Variants in RSF1 observed in about 807,000 individuals in gnomAD.
RSF1 encodes the protein HBV pX-associated protein 8.
In RSF1, 13 loss-of-function variants were observed where a neutral mutation model predicts 145.2. That is an observed-to-expected ratio of 0.09 (90% CI 0.06 to 0.14). The LOEUF is 0.14. Ranked by LOEUF, RSF1 falls within the 10% of genes least tolerant of loss-of-function variation. The probability of loss-of-function intolerance (pLI) is 1.00; values close to 1 mark genes in which losing one functional copy is unlikely to be tolerated. For missense variants in RSF1, 1,517 were observed against 1,718.2 expected, an observed-to-expected ratio of 0.88 and a Z score of 2.07; for synonymous variants, 577 against 592.6, an observed-to-expected ratio of 0.97 and a Z score of 0.38.
the RSF1 span, among the ~76,000 whole-genome samples, chr11:77,865,848 T>C: frequency 6.6e-6 from 1 of 152,218 alleles, no homozygotes; most frequent in Non-Finnish European, 1.5e-5. Context: ...TTCTAAAACA[T>C]TATTCTGAGA....
intron 2 of RSF1, among the ~76,000 whole-genome samples, chr11:77,754,051 TCTTCC>T (rs1299272408): frequency 6.6e-6 from 1 of 152,200 alleles, no homozygotes; most frequent in African/African-American, 2.4e-5. Flanking sequence ...ATGACTCTGG[TCTTCC>T]CTTTAGATGA....
chr11:77,752,209 A>G (rs1416772935), intron 2 of RSF1, among the ~76,000 whole-genome samples: 1 of 152,226 alleles, frequency 6.6e-6, no homozygotes, highest in African/African-American at 2.4e-5. Context: ...GCAAACATAA[A>G]TATGGAAGCT....
the RSF1 span, among the ~76,000 whole-genome samples, chr11:77,837,400 T>C: frequency 1.3e-5 from 2 of 151,060 alleles, no homozygotes; most frequent in East Asian, 3.9e-4. Flanking sequence ...CCTCCCAAAA[T>C]GCTGGCATCA....
At chr11:77,799,626 C>T (rs2135976060) in intron 1 of RSF1, among the ~76,000 whole-genome samples, 1 of 152,188 alleles carries the variant, frequency 6.6e-6, no homozygotes, top group East Asian at 1.9e-4. Context: ...ATTTCACCAC[C>T]CCAATCTCGG....
chr11:77,809,995 A>T (rs1013426769), intron 1 of RSF1, among the ~76,000 whole-genome samples: 2 of 152,236 alleles, frequency 1.3e-5, no homozygotes, highest in Non-Finnish European at 2.9e-5. Flanking sequence ...ACACATGCCT[A>T]AGCTTCATAA....
intron 1 of RSF1, among the ~76,000 whole-genome samples, chr11:77,798,581 T>TAAAA: frequency 4.1e-4 from 10 of 24,496 alleles, no homozygotes; most frequent in East Asian, 1.4e-3. Context: ...GACTCCATCT[T>TAAAA]AAAAAAAAAA....
upstream of RSF1, chr11:77,820,747 G>A: frequency 1.3e-6 from 2 of 1,530,360 alleles, no homozygotes; most frequent in Non-Finnish European, 1.8e-6. Context: ...GAGGCGATGG[G>A]GGGGCGGGGG....
At chr11:77,800,098 T>C (rs373357620) in intron 1 of RSF1, among the ~76,000 whole-genome samples, 74 of 152,226 alleles carry the variant, frequency 4.9e-4, no homozygotes, top group African/African-American at 1.6e-3. Flanking sequence ...TGCCCTACGA[T>C]TGCTCCCGTG....
chr11:77,759,907 G>A (rs543348779), intron 2 of RSF1, among the ~76,000 whole-genome samples: 1 of 146,752 alleles, frequency 6.8e-6, no homozygotes, highest in South Asian at 2.2e-4. Context: ...GCTGTCAAAT[G>A]TTATCTATTA....
At chr11:77,804,346 G>A (rs1053645987) in intron 1 of RSF1, among the ~76,000 whole-genome samples, 1 of 152,144 alleles carries the variant, frequency 6.6e-6, no homozygotes, top group Non-Finnish European at 1.5e-5. Context: ...GAAATCCTCA[G>A]ATTTGTAGCC....
chr11:77,797,650 A>G (rs1948585883), intron 1 of RSF1, among the ~76,000 whole-genome samples: 1 of 152,238 alleles, frequency 6.6e-6, no homozygotes, highest in South Asian at 2.1e-4. Flanking sequence ...ACAAAAGCCA[A>G]AATTGACAAA....
At chr11:77,683,898 T>C in intron 10 of RSF1, 79 bp from the exon 11 acceptor site, 1 of 1,025,894 alleles carries the variant, frequency 9.7e-7, no homozygotes, top group Non-Finnish European at 1.4e-6. Context: ...TTTTGTAATC[T>C]CCATTTAGGT....
At chr11:77,859,752 C>T in the RSF1 span, among the ~76,000 whole-genome samples, 1 of 152,212 alleles carries the variant, frequency 6.6e-6, no homozygotes, top group African/African-American at 2.4e-5. Flanking sequence ...TAGGTTTGAG[C>T]AATTACTTGT....
chr11:77,693,433 T>C, intron 8 of RSF1, 74 bp downstream of exon 8: 1 of 886,840 alleles, frequency 1.1e-6, no homozygotes, highest in South Asian at 1.4e-5. Flanking sequence ...AAAATATTCA[T>C]TCAGTAGCTA....
intron 1 of RSF1, 120 bp downstream of exon 1, chr11:77,820,408 C>A: frequency 9.2e-7 from 1 of 1,089,386 alleles, no homozygotes; most frequent in Non-Finnish European, 1.3e-6. Flanking sequence ...GGAGTTGCGT[C>A]CCAGGGGGAA....
At chr11:77,742,993 T>C (rs1590862513) in intron 3 of RSF1, among the ~76,000 whole-genome samples, 1 of 152,326 alleles carries the variant, frequency 6.6e-6, no homozygotes, top group East Asian at 1.9e-4. Flanking sequence ...ATTTATTGAA[T>C]AGACTGTCCT....
the RSF1 span, among the ~76,000 whole-genome samples, chr11:77,857,757 C>T: frequency 5.1e-3 from 751 of 146,256 alleles, 9 homozygotes; most frequent in African/African-American, 0.018. Context: ...AGGGCATTGG[C>T]GTAATCTTGG....
chr11:77,838,244 C>A, the RSF1 span, among the ~76,000 whole-genome samples: 1 of 140,934 alleles, frequency 7.1e-6, no homozygotes, highest in Non-Finnish European at 1.6e-5. Context: ...TATGTGTCAA[C>A]GTGGTAAGGT....
At chr11:77,802,377 C>T (rs1948634448) in intron 1 of RSF1, among the ~76,000 whole-genome samples, 1 of 152,056 alleles carries the variant, frequency 6.6e-6, no homozygotes, top group Non-Finnish European at 1.5e-5. Flanking sequence ...ACTGTGGTAA[C>T]TCTAGGTAGT....
Sources: allele counts gnomAD v4.1 joint callset (sites outside exome capture counted in the v4.1 genomes callset), GRCh38; gene constraint gnomAD v4.1.1; transcripts MANE v1.5; gene names NCBI Gene and HGNC (gene_info 2026-07-23, HGNC 2026-07-21).